Variants in DCC observed in about 807,000 individuals in gnomAD.
The protein encoded by DCC is netrin receptor DCC.
A neutral mutation model predicts 172.5 loss-of-function variants in DCC; 58 were observed. That is an observed-to-expected ratio of 0.34 (90% confidence interval 0.27 to 0.42). The LOEUF is 0.42. Among genes scored for constraint, DCC ranks in the 10% least tolerant of loss-of-function variants. The probability of loss-of-function intolerance (pLI) is 1.00; values close to 1 mark genes in which losing one functional copy is unlikely to be tolerated. For missense variants in DCC, 1,740 were observed against 1,791.0 expected (o/e 0.97, Z 0.51); for synonymous variants, 709 against 644.5 (o/e 1.10, Z -1.52).
intron 26 of DCC, among the ~76,000 whole-genome samples, chr18:53,492,957 G>C (rs561373563): frequency 6.6e-6 from 1 of 152,148 alleles, no homozygotes; most frequent in Non-Finnish European, 1.5e-5. Context: ...CTATGAGCAT[G>C]GAATATTTTT....
intron 1 of DCC, among the ~76,000 whole-genome samples, chr18:52,613,459 G>A (rs969410453): frequency 1.3e-5 from 2 of 152,008 alleles, no homozygotes. Context: ...GTTTCACCGT[G>A]TTAGCCAGGA....
chr18:53,526,875 T>C lies in DCC; in HGVS notation c.4254+116T>C, dbSNP rs148984485. 4.4e-4 allele frequency: 108 copies of C among 246,654 alleles called. No homozygotes were observed. The East Asian group carries it at 7.3e-3, about 17-fold the overall frequency. 15.3% of individuals were successfully genotyped at this position (246,654 alleles called of 1,614,324 possible). A position where few individuals can be genotyped will look rare whatever the true frequency, so the allele number is the denominator to read the frequency against. On this transcript the variant is annotated intron_variant, in intron 28 of 28. Transcript: ENST00000442544. ...ACCCCAGGCCACCCCAGGCCATTGT[T>C]GTTCTTATTGTTGTTTGTTCCTTTG...
At chr18:53,365,151 C>T (rs1054611875) in intron 15 of DCC, among the ~76,000 whole-genome samples, 1 of 151,808 alleles carries the variant, frequency 6.6e-6, no homozygotes, top group Non-Finnish European at 1.5e-5. Context: ...GTTCAATTCC[C>T]ACCTATGAGT....
At chr18:52,726,830 T>C (rs1214667802) in intron 1 of DCC, among the ~76,000 whole-genome samples, 1 of 152,226 alleles carries the variant, frequency 6.6e-6, no homozygotes, top group Admixed American at 6.5e-5. Flanking sequence ...GTGAGGAATA[T>C]TCTAGGTCAT....
At chr18:53,165,148 T>C (rs1568340859) in intron 8 of DCC, among the ~76,000 whole-genome samples, 1 of 152,186 alleles carries the variant, frequency 6.6e-6, no homozygotes, top group Non-Finnish European at 1.5e-5. Context: ...AAGGGACTGG[T>C]ATCTTCATTT....
At chr18:53,480,715 A>G (rs1010709730) in intron 25 of DCC, 1 of 152,166 alleles carries the variant, frequency 6.6e-6, no homozygotes, top group Non-Finnish European at 1.5e-5. Flanking sequence ...CCTCACAACC[A>G]CATCATAAAA....
intron 8 of DCC, among the ~76,000 whole-genome samples, chr18:53,175,457 C>T (rs1441595114): frequency 6.6e-6 from 1 of 151,986 alleles, no homozygotes; most frequent in African/African-American, 2.4e-5. Flanking sequence ...TCTCCTTAAG[C>T]TGATAAGCAA....
chr18:53,312,957 A>AAAG (rs2057295112), intron 13 of DCC, among the ~76,000 whole-genome samples: 1 of 74,632 alleles, frequency 1.3e-5, no homozygotes, highest in African/African-American at 5.5e-5. Context: ...GAGGGAAGGG[A>AAAG]GGAGGGAGTG....
At chr18:53,470,485 T>A (rs564517016) in intron 25 of DCC, among the ~76,000 whole-genome samples, 1 of 152,220 alleles carries the variant, frequency 6.6e-6, no homozygotes, top group South Asian at 2.1e-4. Context: ...AGTTCCAAAG[T>A]CACATCCACA....
At chr18:52,917,554 CA>C (rs1447057480) in intron 3 of DCC, among the ~76,000 whole-genome samples, 1 of 151,964 alleles carries the variant, frequency 6.6e-6, no homozygotes, top group Non-Finnish European at 1.5e-5. Flanking sequence ...ACTCAGGTAA[CA>C]GATTAAGCTA....
At chr18:53,367,036 AAT>A (rs1270346637) in intron 15 of DCC, among the ~76,000 whole-genome samples, 3 of 152,338 alleles carry the variant, frequency 2.0e-5, no homozygotes, top group Admixed American at 6.5e-5. Flanking sequence ...TACCCTAACT[AAT>A]AAAATATGTT....
At chr18:52,843,848 C>T (rs928894787) in intron 2 of DCC, among the ~76,000 whole-genome samples, 4 of 152,066 alleles carry the variant, frequency 2.6e-5, no homozygotes, top group Non-Finnish European at 5.9e-5. Flanking sequence ...GGACTAGCAC[C>T]AGAAAAGAAC....
intron 1 of DCC, among the ~76,000 whole-genome samples, chr18:52,738,517 C>T (rs1183254574): frequency 6.6e-6 from 1 of 152,066 alleles, no homozygotes; most frequent in African/African-American, 2.4e-5. Flanking sequence ...ATATAAGGCA[C>T]TTACCATGAA....
intron 21 of DCC, among the ~76,000 whole-genome samples, chr18:53,429,159 G>A (rs1242482125): frequency 7.7e-6 from 1 of 129,596 alleles, no homozygotes; most frequent in African/African-American, 2.9e-5. Flanking sequence ...GTCTGGCGAA[G>A]TATACTGCTT....
At chr18:53,037,183 A>T (rs143599678) in intron 5 of DCC, among the ~76,000 whole-genome samples, 55 of 152,086 alleles carry the variant, frequency 3.6e-4, no homozygotes, top group South Asian at 1.4e-3. Context: ...ATTAAACTGC[A>T]AGTGAAGCCA....
At chr18:52,511,280 C>CAAAAAAAA (rs5824941) in intron 1 of DCC, among the ~76,000 whole-genome samples, 2 of 110,088 alleles carry the variant, frequency 1.8e-5, no homozygotes, top group African/African-American at 3.7e-5. Flanking sequence ...GACTCTGTCT[C>CAAAAAAAA]AAAAAAAAAA....
At chr18:53,064,131 T>G (rs1458576388) in intron 6 of DCC, among the ~76,000 whole-genome samples, 1 of 152,180 alleles carries the variant, frequency 6.6e-6, no homozygotes, top group African/African-American at 2.4e-5. Flanking sequence ...TCATTTTCTA[T>G]CCCTATTGTG....
chr18:52,662,709 ATTAACACAT>A, intron 1 of DCC, among the ~76,000 whole-genome samples: 1 of 152,188 alleles, frequency 6.6e-6, no homozygotes, highest in Non-Finnish European at 1.5e-5. Context: ...AAGAAAGAAA[ATTAACACAT>A]TCACATTTGC....
At chr18:52,982,746 A>C (rs2041231808) in intron 5 of DCC, among the ~76,000 whole-genome samples, 2 of 152,168 alleles carry the variant, frequency 1.3e-5, no homozygotes, top group South Asian at 4.1e-4. Context: ...TATCCTGTTG[A>C]ATGTTAAGCA....
Sources: allele counts gnomAD v4.1 joint callset (sites outside exome capture counted in the v4.1 genomes callset), GRCh38; gene constraint gnomAD v4.1.1; transcripts MANE v1.5; gene names NCBI Gene and HGNC (gene_info 2026-07-23, HGNC 2026-07-21).